Variants in ERBB4 observed in about 807,000 individuals in gnomAD.
ERBB4 encodes receptor tyrosine-protein kinase erbB-4.
A neutral mutation model predicts 158.0 loss-of-function variants in ERBB4; 42 were observed. The ratio of observed to expected loss-of-function variants is 0.27; its 90% CI spans 0.21 to 0.34. The LOEUF (loss-of-function observed/expected upper bound fraction) is 0.34, where lower values mean the gene tolerates loss of function less well. Ranked by LOEUF, ERBB4 falls within the 10% of genes least tolerant of loss-of-function variation. The pLI is 1.00. For synonymous variants in ERBB4, 583 were observed against 558.7 expected (o/e 1.04, Z -0.61); for missense variants, 1,333 against 1,624.1 (o/e 0.82, Z 3.08).
intron 12 of ERBB4, among the ~76,000 whole-genome samples, chr2:211,685,333 G>C (rs773330781): frequency 6.6e-6 from 1 of 152,084 alleles, no homozygotes; most frequent in African/African-American, 2.4e-5. Context: ...CTTAGGGTTC[G>C]TTTATTTGCT....
rs909121738 is a variant in ERBB4, at chr2:212,500,822, G to C, written c.82+37627C>G. 4.6e-5 allele frequency among the ~76,000 whole-genome samples: 7 copies of C among 151,980 alleles called. No individual in the cohort carries two copies. In the East Asian group the frequency reaches 1.3e-3, roughly 29 times the overall value. ...CAGTGGAAGTAAAAGAGGAAAAGAA[G>C]GAGATTTAAAAAAGCAACCTGCTAA... On this transcript the variant is annotated intron_variant, in intron 1 of 27. Coordinates refer to ENST00000342788, the MANE Select transcript of ERBB4 (RefSeq NM_005235.3).
intron 1 of ERBB4, among the ~76,000 whole-genome samples, chr2:212,497,127 G>A (rs1300799396): frequency 2.1e-5 from 3 of 142,174 alleles, no homozygotes; most frequent in Non-Finnish European, 3.0e-5. Context: ...GCAGTGAGCC[G>A]AGATCACACC....
At chr2:211,548,088 C>T (rs1467247812) in intron 20 of ERBB4, among the ~76,000 whole-genome samples, 1 of 152,010 alleles carries the variant, frequency 6.6e-6, no homozygotes, top group Non-Finnish European at 1.5e-5. Context: ...CTCTATAAAC[C>T]GCCTCAATAA....
chr2:212,291,822 A>G (rs1268337049), intron 1 of ERBB4, among the ~76,000 whole-genome samples: 2 of 152,046 alleles, frequency 1.3e-5, no homozygotes, highest in African/African-American at 4.8e-5. Context: ...TACCCATAAC[A>G]TCTTAAATGT....
intron 2 of ERBB4, among the ~76,000 whole-genome samples, chr2:212,069,117 T>A (rs2078032750): frequency 6.6e-6 from 1 of 152,074 alleles, no homozygotes; most frequent in South Asian, 2.1e-4. Context: ...CAGTCTGAGG[T>A]ATGTCTTTAT....
chr2:212,089,546 T>A (rs2078712511), intron 2 of ERBB4, among the ~76,000 whole-genome samples: 1 of 152,158 alleles, frequency 6.6e-6, no homozygotes, highest in Admixed American at 6.6e-5. Context: ...TACTGAATAG[T>A]GAGTGACTGC....
chr2:211,891,665 C>T (rs1308468913), intron 3 of ERBB4, among the ~76,000 whole-genome samples: 1 of 82,140 alleles, frequency 1.2e-5, no homozygotes, highest in Non-Finnish European at 2.5e-5. Context: ...ACTAGCAAGA[C>T]TAATAAAGAA....
intron 19 of ERBB4, among the ~76,000 whole-genome samples, chr2:211,571,136 G>A (rs1407049686): frequency 4.4e-5 from 6 of 137,840 alleles, no homozygotes; most frequent in African/African-American, 1.1e-4. Flanking sequence ...TCCGCCTCCC[G>A]TGTTCAAGCA....
At chr2:212,432,419 T>C (rs1387853591) in intron 1 of ERBB4, among the ~76,000 whole-genome samples, 1 of 152,140 alleles carries the variant, frequency 6.6e-6, no homozygotes, top group Non-Finnish European at 1.5e-5. Context: ...GTTAGGATCA[T>C]GGTGTTATAC....
intron 12 of ERBB4, among the ~76,000 whole-genome samples, chr2:211,700,216 T>C (rs2073184500): frequency 6.6e-6 from 1 of 152,140 alleles, no homozygotes; most frequent in Non-Finnish European, 1.5e-5. Flanking sequence ...TCATCTACTT[T>C]GGGGCATGTA....
intron 3 of ERBB4, among the ~76,000 whole-genome samples, chr2:211,807,112 G>A (rs758678504): frequency 2.5e-4 from 38 of 151,876 alleles, no homozygotes; most frequent in Non-Finnish European, 4.4e-4. Context: ...ACAGCTTAAT[G>A]AGCTAGAGAG....
intron 20 of ERBB4, among the ~76,000 whole-genome samples, chr2:211,460,705 T>C (rs1186413806): frequency 1.3e-5 from 2 of 152,172 alleles, no homozygotes; most frequent in African/African-American, 4.8e-5. Context: ...TCCTATGTAA[T>C]TGATACAATT....
At chr2:211,685,668 T>C (rs897356266) in intron 12 of ERBB4, among the ~76,000 whole-genome samples, 2 of 152,212 alleles carry the variant, frequency 1.3e-5, no homozygotes, top group African/African-American at 4.8e-5. Flanking sequence ...ACCTTTTTGA[T>C]ATTTTGATAA....
At chr2:211,411,660 A>AATT (rs2063265410) in intron 25 of ERBB4, among the ~76,000 whole-genome samples, 1 of 152,178 alleles carries the variant, frequency 6.6e-6, no homozygotes, top group South Asian at 2.1e-4. Context: ...GTGGAAAATA[A>AATT]ATTGCAGTGA....
At chr2:212,221,865 T>C (rs1330035439) in intron 1 of ERBB4, among the ~76,000 whole-genome samples, 2 of 151,444 alleles carry the variant, frequency 1.3e-5, no homozygotes, top group African/African-American at 4.8e-5. Flanking sequence ...ATTACTTCTA[T>C]ATCCTCCAAA....
At chr2:211,950,494 A>G (rs1490235217) in intron 2 of ERBB4, among the ~76,000 whole-genome samples, 1 of 152,192 alleles carries the variant, frequency 6.6e-6, no homozygotes, top group Non-Finnish European at 1.5e-5. Context: ...GGGAAAATAT[A>G]ACATTTTATT....
intron 2 of ERBB4, among the ~76,000 whole-genome samples, chr2:211,995,897 A>C (rs749468001): frequency 1.1e-4 from 16 of 152,194 alleles, no homozygotes; most frequent in Non-Finnish European, 1.9e-4. Flanking sequence ...TTTAATGGAT[A>C]CTGTTGAATT....
At chr2:212,320,772 A>T (rs2087533540) in intron 1 of ERBB4, among the ~76,000 whole-genome samples, 1 of 150,040 alleles carries the variant, frequency 6.7e-6, no homozygotes, top group Admixed American at 6.7e-5. Flanking sequence ...TAACAGGAGG[A>T]TCATGATTAC....
At chr2:212,192,040 AT>A (rs1559707556) in intron 1 of ERBB4, among the ~76,000 whole-genome samples, 3 of 10,822 alleles carry the variant, frequency 2.8e-4, no homozygotes, top group South Asian at 6.5e-3. Flanking sequence ...GTTATATGTT[AT>A]ATATATGTTA....
Sources: allele counts gnomAD v4.1 joint callset (sites outside exome capture counted in the v4.1 genomes callset), GRCh38; gene constraint gnomAD v4.1.1; transcripts MANE v1.5; gene names NCBI Gene and HGNC (gene_info 2026-07-23, HGNC 2026-07-21).